Variants in AUTS2 observed in about 807,000 individuals in gnomAD.
AUTS2 encodes the protein autism susceptibility gene 2 protein.
A neutral mutation model predicts 112.4 loss-of-function variants in AUTS2; 17 were observed. That is an observed-to-expected ratio of 0.15 (90% confidence interval 0.10 to 0.23). AUTS2 has a LOEUF of 0.23. Ranked by LOEUF, AUTS2 falls within the 10% of genes least tolerant of loss-of-function variation. AUTS2 has a pLI of 1.00. For missense variants in AUTS2, 1,510 were observed against 1,701.6 expected (o/e 0.89, Z 1.98); for synonymous variants, 751 against 702.7 (o/e 1.07, Z -1.09).
intron 5 of AUTS2, among the ~76,000 whole-genome samples, chr7:70,697,560 T>TCCC (rs10636908): frequency 0.07 from 8,981 of 127,466 alleles, 440 homozygotes; most frequent in East Asian, 0.17. Context: ...ACTTCAGAAT[T>TCCC]CCCCCCCCCC....
At chr7:70,326,437 AG>A (rs1312854864) in intron 4 of AUTS2, among the ~76,000 whole-genome samples, 33 of 152,312 alleles carry the variant, frequency 2.2e-4, no homozygotes, top group African/African-American at 7.7e-4. Context: ...GAAAACTCCT[AG>A]GAATCTCTCC....
chr7:70,778,895 A>T (rs1270631165), intron 14 of AUTS2, among the ~76,000 whole-genome samples: 1 of 152,220 alleles, frequency 6.6e-6, no homozygotes, highest in Non-Finnish European at 1.5e-5. Flanking sequence ...TTTGGTTAAA[A>T]GAGATGAGGG....
intron 1 of AUTS2, among the ~76,000 whole-genome samples, chr7:69,751,523 G>A (rs1168986942): frequency 6.6e-6 from 1 of 152,126 alleles, no homozygotes; most frequent in Non-Finnish European, 1.5e-5. Flanking sequence ...ATGGAAAGGA[G>A]GTAAGTGTAT....
intron 4 of AUTS2, among the ~76,000 whole-genome samples, chr7:70,279,279 C>T (rs1788090657): frequency 6.6e-6 from 1 of 152,174 alleles, no homozygotes; most frequent in South Asian, 2.1e-4. Flanking sequence ...AGCCTATTAG[C>T]TGGAGTTACA....
chr7:69,833,971 C>A (rs778652270), intron 1 of AUTS2, among the ~76,000 whole-genome samples: 13 of 152,078 alleles, frequency 8.5e-5, no homozygotes, highest in Non-Finnish European at 1.6e-4. Context: ...GGATTGGGCA[C>A]CAAGTAATAT....
At chr7:69,993,439 C>G (rs953382015) in intron 2 of AUTS2, among the ~76,000 whole-genome samples, 3 of 152,106 alleles carry the variant, frequency 2.0e-5, no homozygotes, top group Non-Finnish European at 4.4e-5. Context: ...GTGGCAAAAA[C>G]AATAATGGGT....
Position 69,612,973 on chromosome 7 carries a change from A to G in AUTS2, c.309+13011A>G, listed in dbSNP as rs537773969. ...TTTGAAGAGGGAGCTGCTATTTACT[A>G]TTCGCCTTGTGCCAGGCATTGTGCT... is the stretch of plus-strand genomic sequence containing the variant. On this transcript the variant is annotated intron_variant, in intron 1 of 18. Coordinates refer to ENST00000342771, the MANE Select transcript of AUTS2 (RefSeq NM_015570.4). Among the ~76,000 whole-genome samples the G allele has an allele frequency of 3.3e-5, 5 of 152,310 alleles. No individual in the cohort carries two copies. In the East Asian group the frequency reaches 7.7e-4, roughly 24 times the overall value.
intron 4 of AUTS2, among the ~76,000 whole-genome samples, chr7:70,355,087 CGTGT>C (rs900567310): frequency 2.8e-4 from 32 of 114,526 alleles, no homozygotes; most frequent in Non-Finnish European, 4.2e-4. Context: ...TATATGTGTG[CGTGT>C]GTGTGTATGT....
chr7:69,741,334 C>T (rs988652004), intron 1 of AUTS2, among the ~76,000 whole-genome samples: 1 of 152,236 alleles, frequency 6.6e-6, no homozygotes, highest in South Asian at 2.1e-4. Flanking sequence ...CCTCGAACCC[C>T]GATTTGGTTT....
intron 5 of AUTS2, among the ~76,000 whole-genome samples, chr7:70,664,509 CA>C (rs1807232277): frequency 6.6e-6 from 1 of 152,156 alleles, no homozygotes; most frequent in Non-Finnish European, 1.5e-5. Flanking sequence ...TTTTTATATT[CA>C]AATTTTAGTA....
rs1027471141 is a variant in AUTS2 at position 69,843,995 on chromosome 7, T to C, written c.310-55291T>C. On this transcript the variant is annotated intron_variant, in intron 1 of 18. Coordinates refer to ENST00000342771, the MANE Select transcript of AUTS2 (RefSeq NM_015570.4). ...GTATCTTTGTATCATGTGAGAGTTA[T>C]TAAGACTGTGATAGAAATAAATAAG... 3.3e-5 allele frequency among the ~76,000 whole-genome samples: 5 copies of C among 152,204 alleles called. No individual in the cohort carries two copies. The East Asian group carries it at 9.6e-4, about 29-fold the overall frequency.
At chr7:70,042,388 G>A (rs1801286897) in intron 2 of AUTS2, among the ~76,000 whole-genome samples, 1 of 152,144 alleles carries the variant, frequency 6.6e-6, no homozygotes, top group African/African-American at 2.4e-5. Flanking sequence ...CAAAACTGGA[G>A]CCAGGAGTGA....
intron 5 of AUTS2, among the ~76,000 whole-genome samples, chr7:70,615,732 A>G (rs990968381): frequency 1.3e-5 from 2 of 152,132 alleles, no homozygotes; most frequent in African/African-American, 2.4e-5. Context: ...GTTTGGGGAC[A>G]GTGCAAAACG....
chr7:70,151,243 T>A (rs1306339497), intron 4 of AUTS2, among the ~76,000 whole-genome samples: 1 of 152,088 alleles, frequency 6.6e-6, no homozygotes. Context: ...GTTAATTAGC[T>A]CATGCATTTC....
intron 5 of AUTS2, among the ~76,000 whole-genome samples, chr7:70,604,172 T>C (rs1416665174): frequency 2.0e-5 from 3 of 152,244 alleles, no homozygotes; most frequent in Non-Finnish European, 2.9e-5. Context: ...TCAGGTGTCA[T>C]TCCTCTCCAC....
At chr7:70,002,922 A>G (rs1282111270) in intron 2 of AUTS2, among the ~76,000 whole-genome samples, 1 of 151,786 alleles carries the variant, frequency 6.6e-6, no homozygotes, top group Non-Finnish European at 1.5e-5. Context: ...CTACTTTGGG[A>G]AAGACAGTAA....
chr7:69,978,376 T>C (rs1017176126), intron 2 of AUTS2, among the ~76,000 whole-genome samples: 14 of 152,172 alleles, frequency 9.2e-5, no homozygotes, highest in African/African-American at 3.4e-4. Flanking sequence ...CTAATTCTGG[T>C]TTTATTGAAA....
chr7:69,683,691 G>C (rs992527568), intron 1 of AUTS2, among the ~76,000 whole-genome samples: 1 of 151,900 alleles, frequency 6.6e-6, no homozygotes, highest in Non-Finnish European at 1.5e-5. Flanking sequence ...GAGGCCAGGA[G>C]TTCAAGATCA....
intron 2 of AUTS2, among the ~76,000 whole-genome samples, chr7:69,936,527 T>C (rs1796419628): frequency 6.6e-6 from 1 of 152,072 alleles, no homozygotes; most frequent in Non-Finnish European, 1.5e-5. Flanking sequence ...TTTTTTGTAT[T>C]TTTGGTAGAG....
Sources: gnomAD v4.1 joint callset for allele counts (sites outside exome capture counted in the v4.1 genomes callset) on GRCh38, gnomAD v4.1.1 for gene constraint, MANE v1.5 for transcripts, NCBI Gene and HGNC (gene_info 2026-07-23, HGNC 2026-07-21) for gene names.